Variants in GNA11 observed in about 807,000 individuals in gnomAD.
GNA11 encodes G protein subunit alpha 11.
GNA11 carries 8 observed loss-of-function variants against 38.2 expected under a neutral mutation model. The ratio of observed to expected loss-of-function variants is 0.21; its 90% CI spans 0.12 to 0.38. GNA11 has a LOEUF of 0.38. Ranked by LOEUF, GNA11 falls within the 10% of genes least tolerant of loss-of-function variation. GNA11 has a pLI of 1.00. For missense variants in GNA11, 268 were observed against 516.3 expected (o/e 0.52, Z 4.66); for synonymous variants, 211 against 221.4 (o/e 0.95, Z 0.42).
intron 4 of GNA11, chr19:3,115,340 G>T: frequency 2.5e-6 from 1 of 394,272 alleles, no homozygotes; most frequent in Non-Finnish European, 4.6e-6. Context: ...AGGAGGTTGA[G>T]GCTGAAGTGA....
At position 3,119,246 on chromosome 19, in the gene GNA11, T is replaced by C. The variant is rs1297128070; in HGVS notation, c.776T>C (p.Ile259Thr). The C allele has an allele frequency of 6.2e-7, 1 of 1,613,926 alleles. No homozygotes were observed. The highest frequency in any genetic ancestry group is 2.2e-5 in the East Asian group (1 of 44,866). Residue 259 changes from isoleucine (I) to threonine (T), a missense_variant, in exon 6 of 7, where the codon ATC becomes ACC. Physicochemically the swap from Ile to Thr is moderately conservative, Grantham distance 89. Coordinates refer to ENST00000078429, the MANE Select transcript of GNA11 (RefSeq NM_002067.5). The surrounding 1 kb of genome is among the most constrained non-coding windows in gnomAD (Gnocchi z 4.6). ...EESKALFRTI[I>T]TYPWFQNSSV... ...AGCAAAGCCCTGTTCCGGACCATCA[T>C]CACCTACCCCTGGTTCCAGAACTCC...
At chr19:3,115,319 C>T (rs1053885125) in intron 4 of GNA11, 25 of 431,468 alleles carry the variant, frequency 5.8e-5, no homozygotes, top group South Asian at 2.9e-4. Flanking sequence ...GCAGGAGGAT[C>T]GCTCAAGCCC....
At chr19:3,113,550 G>C in intron 3 of GNA11, 66 bp downstream of exon 3, 5 of 1,290,914 alleles carry the variant, frequency 3.9e-6, no homozygotes, top group Non-Finnish European at 4.2e-6. Context: ...GGGACCCTTC[G>C]GGAAGGCCTC....
intron 1 of GNA11, among the ~76,000 whole-genome samples, chr19:3,107,973 T>C (rs1453144026): frequency 6.6e-6 from 1 of 152,166 alleles, no homozygotes; most frequent in African/African-American, 2.4e-5. Flanking sequence ...GTTTGACCTT[T>C]TGTGGATGAG....
intron 1 of GNA11, among the ~76,000 whole-genome samples, chr19:3,106,826 G>T (rs1248940477): frequency 6.6e-6 from 1 of 152,220 alleles, no homozygotes; most frequent in African/African-American, 2.4e-5. Flanking sequence ...TGCATGCCTG[G>T]GTGCATAGGT....
At chr19:3,112,439 C>T (rs1913796724) in intron 2 of GNA11, among the ~76,000 whole-genome samples, 1 of 152,222 alleles carries the variant, frequency 6.6e-6, no homozygotes, top group African/African-American at 2.4e-5. Context: ...GGGTCCCACC[C>T]AGTATGTCCC....
intron 4 of GNA11, among the ~76,000 whole-genome samples, chr19:3,115,961 A>G (rs1398987569): frequency 2.0e-3 from 203 of 103,886 alleles, no homozygotes; most frequent in African/African-American, 9.7e-3. Context: ...GGTCGTGGGG[A>G]CCGAGGCTTT....
At position 3,122,772 on chromosome 19, in the gene GNA11, C is replaced by T. The variant is rs941609167; in HGVS notation, c.*1593C>T. 4.3e-6 allele frequency: 1 copy of T among 233,706 alleles called. No individual in the cohort carries two copies. The highest frequency in any genetic ancestry group is 6.0e-5 in the East Asian group (1 of 16,596). The allele number at this position is 233,706 out of a possible 1,614,324, so 14.5% of individuals were successfully genotyped here. Reference sequence around the variant, plus strand: ...TACGACCACTCCAACCAGCAGTTCCCGCCTGCCTGCCCGCCACTGTCAGGC... The same window carrying T: ...TACGACCACTCCAACCAGCAGTTCCTGCCTGCCTGCCCGCCACTGTCAGGC... On this transcript the variant is annotated 3_prime_UTR_variant, in exon 7 of 7. Transcript: ENST00000078429. The surrounding 1 kb of genome is among the most constrained non-coding windows in gnomAD (Gnocchi z 7.7).
At chr19:3,096,042 G>C (rs1265354843) in intron 1 of GNA11, among the ~76,000 whole-genome samples, 1 of 152,164 alleles carries the variant, frequency 6.6e-6, no homozygotes, top group African/African-American at 2.4e-5. Flanking sequence ...CGGTGGGGAA[G>C]GTCGGAAATG....
intron 1 of GNA11, among the ~76,000 whole-genome samples, chr19:3,097,338 A>G (rs1019993175): frequency 6.6e-6 from 1 of 152,026 alleles, no homozygotes; most frequent in Non-Finnish European, 1.5e-5. Flanking sequence ...CCTGCCCCTT[A>G]GCAGTGGGGG....
In GNA11 at chr19:3,122,089, G is replaced by C. The variant is rs1346147202; in HGVS notation, c.*910G>C. 4.3e-6 allele frequency: 1 copy of C among 233,192 alleles called. No individual in the cohort carries two copies. Among genetic ancestry groups the C allele is most frequent in the Non-Finnish European group, 8.5e-6 (1 of 117,824 alleles). The allele number at this position is 233,192 out of a possible 1,614,324, so 14.4% of individuals were successfully genotyped here. On this transcript the variant is annotated 3_prime_UTR_variant, in exon 7 of 7. Transcript: ENST00000078429. The surrounding 1 kb of genome is among the most constrained non-coding windows in gnomAD (Gnocchi z 7.7). ...TAGAGCGCACCCCACCGGAGCCCAC[G>C]TGGGCTGGGCGGCTGGAGGGATGGT...
rs962174397 is a variant in GNA11, at chr19:3,108,185, C to T, written c.137-1964C>T. On this transcript the variant is annotated intron_variant, in intron 1 of 6. Transcript: ENST00000078429. This position sits in a 1 kb window ranked among gnomAD's most constrained non-coding sequence, Gnocchi z 4.5. The stretch of plus-strand genomic sequence containing the variant: ...GGCAGTTCCTGGGCTTTGTCGAGGG[C>T]CTCCCGAAGGCAGCACTGTGGCCAC... Among the ~76,000 whole-genome samples the T allele has an allele frequency of 6.6e-6, 1 of 152,142 alleles. No homozygotes were observed. The highest frequency in any genetic ancestry group is 1.5e-5 in the Non-Finnish European group (1 of 68,020).
rs574524649 is a variant in GNA11, at chr19:3,123,441, G to T, written c.*2262G>T. On this transcript the variant is annotated 3_prime_UTR_variant, in exon 7 of 7. Coordinates refer to ENST00000078429, the MANE Select transcript of GNA11 (RefSeq NM_002067.5). ...GTCCCAGGCAGTGGTTCTCGTGCCA[G>T]TGGCACCCAGGGGCAAGGACAGCCA... The T allele has an allele frequency of 8.6e-6, 2 of 233,286 alleles. No individual in the cohort carries two copies. The highest frequency in any genetic ancestry group is 1.7e-5 in the Non-Finnish European group (2 of 118,110). 14.5% of individuals were successfully genotyped at this position (233,286 alleles called of 1,614,324 possible). A position where few individuals can be genotyped will look rare whatever the true frequency, so the allele number is the denominator to read the frequency against.
At chr19:3,095,339 G>A (rs1323977518) in intron 1 of GNA11, among the ~76,000 whole-genome samples, 1 of 152,040 alleles carries the variant, frequency 6.6e-6, no homozygotes, top group Non-Finnish European at 1.5e-5. Context: ...CCTGCACAGG[G>A]ACCTTCTGAC....
At chr19:3,098,099 C>T (rs1325983461) in intron 1 of GNA11, among the ~76,000 whole-genome samples, 1 of 152,194 alleles carries the variant, frequency 6.6e-6, no homozygotes, top group South Asian at 2.1e-4. Flanking sequence ...TTCTAAGCAC[C>T]GTCAAAGCCG....
intron 1 of GNA11, among the ~76,000 whole-genome samples, chr19:3,101,429 C>T (rs1913504752): frequency 6.6e-6 from 1 of 152,152 alleles, no homozygotes; most frequent in Non-Finnish European, 1.5e-5. Flanking sequence ...GGGCCGGGTC[C>T]ACGCTGTGGG....
chr19:3,118,586 G>A (rs1913983181), intron 4 of GNA11: 2 of 287,122 alleles, frequency 7.0e-6, no homozygotes, highest in South Asian at 1.2e-4. Flanking sequence ...ACATCCAGAT[G>A]CCAGATGTAG....
intron 1 of GNA11, among the ~76,000 whole-genome samples, chr19:3,107,261 G>C (rs1366748542): frequency 1.3e-5 from 2 of 152,118 alleles, no homozygotes; most frequent in Non-Finnish European, 1.5e-5. Flanking sequence ...ACCCCAAACA[G>C]TAGTACCGAG....
At chr19:3,104,959 C>T (rs1462493834) in intron 1 of GNA11, among the ~76,000 whole-genome samples, 3 of 152,126 alleles carry the variant, frequency 2.0e-5, no homozygotes, top group South Asian at 4.1e-4. Flanking sequence ...AAGCAAGGGT[C>T]GCACACAGCT....
Sources: allele counts gnomAD v4.1 joint callset (sites outside exome capture counted in the v4.1 genomes callset), GRCh38; gene constraint gnomAD v4.1.1; non-coding constraint Gnocchi (gnomAD v3.1); transcripts MANE v1.5; gene names NCBI Gene and HGNC (gene_info 2026-07-23, HGNC 2026-07-21).